The following BTAF1 variants were observed in gnomAD, a reference collection of about 807,000 sequenced individuals.
BTAF1 encodes the protein TATA-binding protein-associated factor 172.
BTAF1 carries 38 observed loss-of-function variants against 227.1 expected under a neutral mutation model. That is an observed-to-expected ratio of 0.17 (90% CI 0.13 to 0.22). The LOEUF (loss-of-function observed/expected upper bound fraction) is 0.22, where lower values mean the gene tolerates loss of function less well. Ranked by LOEUF, BTAF1 falls within the 10% of genes least tolerant of loss-of-function variation. The pLI is 1.00. For synonymous variants in BTAF1, 742 were observed against 751.9 expected, an observed-to-expected ratio of 0.99 and a Z score of 0.21; for missense variants, 1,598 against 2,204.0, an observed-to-expected ratio of 0.73 and a Z score of 5.51.
In BTAF1 at chr10:91,949,983, T is replaced by TA. The variant is rs1001371964; in HGVS notation, c.401-1411dup. Among the ~76,000 whole-genome samples the TA allele has an allele frequency of 4.0e-5, 6 of 151,142 alleles. No individual in the cohort carries two copies. In the East Asian group the frequency reaches 9.7e-4, roughly 24 times the overall value. On this transcript the variant is annotated intron_variant, in intron 4 of 37. Coordinates refer to ENST00000265990, the MANE Select transcript of BTAF1 (RefSeq NM_003972.3). ...AAACCCCATCTCTAAAATTAAAAAT[T>TA]AAAAAAAAATTAGCCAGGAATGGTG...
intron 35 of BTAF1, among the ~76,000 whole-genome samples, 191 bp from the exon 36 acceptor site, chr10:92,026,401 A>G (rs921604993): frequency 5.9e-5 from 9 of 152,186 alleles, no homozygotes; most frequent in African/African-American, 2.2e-4. Context: ...ATTCCTGAAT[A>G]GCTTTGGAAT....
chr10:92,008,225 A>G lies in BTAF1; in HGVS notation c.3763A>G (p.Asn1255Asp), dbSNP rs1457517192. 3 of 1,598,124 alleles carry G rather than the reference A, an allele frequency of 1.9e-6. No homozygotes were observed. In the South Asian group the frequency reaches 3.4e-5, roughly 18 times the overall value. The stretch of plus-strand genomic sequence containing the variant: ...ATTGTTAGATGGGAAAAAATTGGAA[A>G]ATTATAAAATTCCAGTACCAATCAA... ...EQLLDGKKLE[N>D]YKIPVPINAE... is the part of the protein sequence containing the mutation. Residue 1255 changes from asparagine to aspartate, a missense_variant, in exon 26 of 38, where the codon AAT becomes GAT. Physicochemically the swap from Asn to Asp is conservative, Grantham distance 23. This residue lies in a region of BTAF1 where 184 missense variants were observed against 341.1 expected (regional missense o/e 0.54). Coordinates refer to ENST00000265990, the MANE Select transcript of BTAF1 (RefSeq NM_003972.3).
rs566304266 is a variant in BTAF1 at position 91,962,926 on chromosome 10, T to G, written c.1404+248T>G. On this transcript the variant is annotated intron_variant, in intron 12 of 37. Coordinates refer to ENST00000265990, the MANE Select transcript of BTAF1 (RefSeq NM_003972.3). ...TCCTTGAGAAGAATGCAGCCATTTCTTCCTAATTTTACTCCTGGTTTTTAG... is the reference window on the plus strand; with the variant it reads ...TCCTTGAGAAGAATGCAGCCATTTCGTCCTAATTTTACTCCTGGTTTTTAG... 3.0e-3 allele frequency among the ~76,000 whole-genome samples: 462 copies of G among 152,254 alleles called. 9 individuals carry two copies. Among genetic ancestry groups the G allele is most frequent in the African/African-American group, 0.011 (452 of 41,562 alleles).
intron 1 of BTAF1, among the ~76,000 whole-genome samples, chr10:91,924,387 T>G (rs570386555): frequency 9.2e-5 from 14 of 152,324 alleles, no homozygotes; most frequent in Middle Eastern, 3.4e-3. Context: ...CTTTCGATTC[T>G]AGGGGAGTCT....
chr10:91,955,605 A>G (rs1846038601), intron 6 of BTAF1, among the ~76,000 whole-genome samples: 2 of 152,214 alleles, frequency 1.3e-5, no homozygotes, highest in Non-Finnish European at 2.9e-5. Flanking sequence ...ACAATCTGAA[A>G]GAAATGAGAG....
In BTAF1 at chr10:92,013,630, T is replaced by TA. The variant is rs769578706; in HGVS notation, c.4312-37_4312-36insA. ...TACTTTTTTAGTTGTAAGGAAATAA[T>TA]CCCAGTACAAAAGATAATTGGTGTT... On this transcript the variant is annotated intron_variant, in intron 30 of 37. Transcript: ENST00000265990. The TA allele has an allele frequency of 4.2e-5, 67 of 1,613,430 alleles. No individual in the cohort carries two copies. In the South Asian group the frequency reaches 4.6e-4, roughly 11 times the overall value.
At chr10:91,993,574 A>T in intron 21 of BTAF1, 120 bp from the exon 22 acceptor site, 1 of 776,928 alleles carries the variant, frequency 1.3e-6, no homozygotes, top group Non-Finnish European at 1.8e-6. Flanking sequence ...ATAATTGCTT[A>T]CTTGGTTAAT....
At position 91,924,038 on chromosome 10, in the gene BTAF1, C is replaced by A; in HGVS notation, c.-39C>A. 6.2e-7 allele frequency: 1 copy of A among 1,600,734 alleles called. No homozygotes were observed. Among genetic ancestry groups the A allele is most frequent in the Non-Finnish European group, 8.5e-7 (1 of 1,175,596 alleles). On this transcript the variant is annotated 5_prime_UTR_variant, in exon 1 of 38. Transcript: ENST00000265990. ...AAACTAGCGCCTCAGCTGCGCGGCG[C>A]GTAGGTCGCGGGGAGCTCCGAACCG...
At chr10:92,001,768 G>A (rs1849545710) in intron 25 of BTAF1, among the ~76,000 whole-genome samples, 2 of 151,892 alleles carry the variant, frequency 1.3e-5, no homozygotes, top group South Asian at 4.2e-4. Flanking sequence ...GGAAAATACA[G>A]TCAACAGAAA....
intron 19 of BTAF1, 65 bp from the exon 20 acceptor site, chr10:91,989,089 A>G: frequency 7.3e-7 from 1 of 1,375,794 alleles, no homozygotes; most frequent in Non-Finnish European, 9.7e-7. Flanking sequence ...TCTACCCTTT[A>G]GGAGCTTACA....
At position 91,982,700 on chromosome 10, in the gene BTAF1, A is replaced by G; in HGVS notation, c.2162A>G (p.Lys721Arg). 1.2e-6 allele frequency: 2 copies of G among 1,613,982 alleles called. No homozygotes were observed. The highest frequency in any genetic ancestry group is 1.7e-6 in the Non-Finnish European group (2 of 1,179,914). The change falls in exon 18 of 38, where the codon AAG (lysine) becomes AGG (arginine). Residue 721 changes from lysine to arginine, a missense_variant. Physicochemically the swap from Lys to Arg is conservative, Grantham distance 26. Transcript: ENST00000265990. ...TTACTACTCTTCCATTTGAACTCCA[A>G]GTCTGCTTTACAGAGGATTAGTGTA... ...GQLLLFHLNS[K>R]SALQRISVAL...
intron 23 of BTAF1, among the ~76,000 whole-genome samples, chr10:91,995,259 CTA>C (rs1157506733): frequency 1.3e-5 from 2 of 151,754 alleles, no homozygotes; most frequent in Non-Finnish European, 2.9e-5. Flanking sequence ...GCCCAGTTCT[CTA>C]TTGTTATTTA....
chr10:91,951,380 A>G, intron 4 of BTAF1, 23 bp from the exon 5 acceptor site: 1 of 1,598,208 alleles, frequency 6.3e-7, no homozygotes, highest in Non-Finnish European at 8.5e-7. Flanking sequence ...TTTGGAGAAA[A>G]CGTATTTCTT....
At chr10:91,941,450 T>C (rs1844993439) in intron 3 of BTAF1, among the ~76,000 whole-genome samples, 1 of 152,216 alleles carries the variant, frequency 6.6e-6, no homozygotes, top group Admixed American at 6.5e-5. Flanking sequence ...AGTCAGTAAG[T>C]AATTATATTT....
At chr10:91,974,532 T>A (rs1847546681) in intron 14 of BTAF1, among the ~76,000 whole-genome samples, 1 of 152,172 alleles carries the variant, frequency 6.6e-6, no homozygotes, top group South Asian at 2.1e-4. Flanking sequence ...GCTTGGCATC[T>A]TGAGGAGCAT....
In BTAF1 at chr10:92,020,505, T is replaced by C. The variant is rs76380542; in HGVS notation, c.4863+1570T>C. On this transcript the variant is annotated intron_variant, in intron 34 of 37. Coordinates refer to ENST00000265990, the MANE Select transcript of BTAF1 (RefSeq NM_003972.3). ...AGTAGTTATTCTGGCCTAAAGCTCA[T>C]TGAGAACAACTAATGAATGAAGATT... Among the ~76,000 whole-genome samples, 37 of 152,302 alleles carry C rather than the reference T, an allele frequency of 2.4e-4. No individual in the cohort carries two copies. The South Asian group carries it at 7.0e-3, about 29-fold the overall frequency.
At chr10:91,932,550 GTGT>G (rs1844339009) in intron 1 of BTAF1, among the ~76,000 whole-genome samples, 1 of 152,198 alleles carries the variant, frequency 6.6e-6, no homozygotes, top group Non-Finnish European at 1.5e-5. Flanking sequence ...ACTGTGCAAA[GTGT>G]TGTGCGAGAC....
In BTAF1 at chr10:92,029,867, A is replaced by C. The variant is rs1851780899; in HGVS notation, c.*934A>C. 6.6e-6 allele frequency: 1 copy of C among 152,538 alleles called. No individual in the cohort carries two copies. The highest frequency in any genetic ancestry group is 2.1e-4 in the South Asian group (1 of 4,836). The allele number at this position is 152,538 out of a possible 1,614,324, so 9.4% of individuals were successfully genotyped here. A position where few individuals can be genotyped will look rare whatever the true frequency, so the allele number is the denominator to read the frequency against. On this transcript the variant is annotated 3_prime_UTR_variant, in exon 38 of 38. Coordinates refer to ENST00000265990, the MANE Select transcript of BTAF1 (RefSeq NM_003972.3). ...TACATGAATATGCATATCTATATGCATAGATGTACCTATCCTGCACCCAAA... is the reference window on the plus strand; with the variant it reads ...TACATGAATATGCATATCTATATGCCTAGATGTACCTATCCTGCACCCAAA...
intron 6 of BTAF1, among the ~76,000 whole-genome samples, chr10:91,956,133 C>G (rs1846069744): frequency 6.6e-6 from 1 of 151,894 alleles, no homozygotes; most frequent in South Asian, 2.1e-4. Context: ...CTGTATTGCT[C>G]AGTATATTAG....
Sources: allele counts gnomAD v4.1 joint callset (sites outside exome capture counted in the v4.1 genomes callset), GRCh38; gene constraint gnomAD v4.1.1; regional missense constraint gnomAD v4.1.1; transcripts MANE v1.5; gene names NCBI Gene and HGNC (gene_info 2026-07-23, HGNC 2026-07-21).